The following TRAF3IP1 variants were observed in gnomAD, a reference collection of about 807,000 sequenced individuals.
TRAF3IP1 encodes TRAF3-interacting protein 1.
TRAF3IP1 carries 53 observed loss-of-function variants against 89.9 expected under a neutral mutation model. That is an observed-to-expected ratio of 0.59 (90% CI 0.47 to 0.74). The LOEUF (loss-of-function observed/expected upper bound fraction) is 0.74, where lower values mean the gene tolerates loss of function less well. TRAF3IP1 is among the 30% of genes least tolerant of loss of function. The pLI, the probability that TRAF3IP1 is intolerant of heterozygous loss-of-function variation, is 0.00. For synonymous variants in TRAF3IP1, 311 were observed against 322.1 expected, an observed-to-expected ratio of 0.97 and a Z score of 0.37; for missense variants, 806 against 866.1, an observed-to-expected ratio of 0.93 and a Z score of 0.87.
intron 14 of TRAF3IP1, among the ~76,000 whole-genome samples, chr2:238,353,987 T>C (rs949854857): frequency 1.3e-5 from 2 of 152,226 alleles, no homozygotes; most frequent in African/African-American, 4.8e-5. Context: ...TTGGCCAGGC[T>C]GGTCTCCAAT....
intron 15 of TRAF3IP1, among the ~76,000 whole-genome samples, chr2:238,368,114 T>C (rs902925344): frequency 3.3e-5 from 5 of 152,350 alleles, no homozygotes; most frequent in Non-Finnish European, 4.4e-5. Context: ...TTCCTTGCTG[T>C]CTGTTTCTGA....
chr2:238,359,784 C>T (rs1028172797), intron 15 of TRAF3IP1, among the ~76,000 whole-genome samples: 3 of 152,278 alleles, frequency 2.0e-5, no homozygotes, highest in Non-Finnish European at 2.9e-5. Flanking sequence ...TGACCCCTAG[C>T]GGATGCCTGA....
chr2:238,389,550 C>T (rs1423031846), intron 15 of TRAF3IP1, among the ~76,000 whole-genome samples: 1 of 151,988 alleles, frequency 6.6e-6, no homozygotes, highest in Non-Finnish European at 1.5e-5. Context: ...GAGTTCAAGA[C>T]CAGCCTGACC....
At chr2:238,336,348 C>T (rs985656430) in intron 7 of TRAF3IP1, among the ~76,000 whole-genome samples, 6 of 152,156 alleles carry the variant, frequency 3.9e-5, no homozygotes, top group African/African-American at 1.4e-4. Context: ...GCTAGCCGGG[C>T]ACTGACCTCC....
At chr2:238,336,350 C>T (rs1194944824) in intron 7 of TRAF3IP1, among the ~76,000 whole-genome samples, 1 of 152,200 alleles carries the variant, frequency 6.6e-6, no homozygotes, top group Non-Finnish European at 1.5e-5. Context: ...TAGCCGGGCA[C>T]TGACCTCCCT....
chr2:238,396,177 C>T (rs953845164), intron 15 of TRAF3IP1, among the ~76,000 whole-genome samples: 7 of 152,068 alleles, frequency 4.6e-5, no homozygotes, highest in African/African-American at 1.7e-4. Flanking sequence ...GGCATATATA[C>T]ACCATGGAAT....
At chr2:238,366,012 G>A (rs927452399) in intron 15 of TRAF3IP1, among the ~76,000 whole-genome samples, 2 of 152,144 alleles carry the variant, frequency 1.3e-5, no homozygotes, top group Admixed American at 1.3e-4. Flanking sequence ...TTGGGAGGCC[G>A]AGGCGGGCAG....
In TRAF3IP1 at chr2:238,328,953, A is replaced by G. The variant is rs1697977939; in HGVS notation, c.526A>G (p.Arg176Gly). ...EDRGDAEIKE[R>G]STSRDRKQKE... is the part of the protein sequence containing the mutation. The stretch of plus-strand genomic sequence containing the variant: ...TAGAGGAGACGCTGAAATAAAAGAG[A>G]GAAGTACAAGCAGAGATCGAAAACA... The change falls in exon 5 of 17, where the codon AGA becomes GGA. Residue 176 changes from arginine (R) to glycine (G), a missense_variant. Arg to Gly is a moderately radical substitution (Grantham distance 125). This residue lies in a region of TRAF3IP1 where 732 missense variants were observed against 780.5 expected (regional missense o/e 0.94). Transcript: ENST00000373327. 2.6e-6 allele frequency: 4 copies of G among 1,551,242 alleles called. No individual in the cohort carries two copies. The highest frequency in any genetic ancestry group is 1.4e-5 in the African/African-American group (1 of 71,950).
Position 238,399,498 on chromosome 2 carries a change from A to C in TRAF3IP1, c.*579A>C, listed in dbSNP as rs1033764430. On this transcript the variant is annotated 3_prime_UTR_variant, in exon 17 of 17. Transcript: ENST00000373327. ...TGTTTTTTGACCTCTTTGTAATTGC[A>C]TGTACTTCTCTATGTAATTTTCCTC... The C allele has an allele frequency of 2.0e-4, 31 of 152,114 alleles. No homozygotes were observed. Among genetic ancestry groups the C allele is most frequent in the African/African-American group, 7.5e-4 (31 of 41,378 alleles). 9.4% of individuals were successfully genotyped at this position (152,114 alleles called of 1,614,324 possible).
chr2:238,392,284 G>A (rs1041989506), intron 15 of TRAF3IP1, among the ~76,000 whole-genome samples: 1 of 152,268 alleles, frequency 6.6e-6, no homozygotes, highest in Middle Eastern at 3.4e-3. Context: ...ACATCTTACA[G>A]AACCATAGTA....
chr2:238,343,049 G>T (rs924178843), intron 8 of TRAF3IP1, among the ~76,000 whole-genome samples: 2 of 151,414 alleles, frequency 1.3e-5, no homozygotes. Flanking sequence ...GGGTCCTGCT[G>T]TAATATAGAA....
intron 15 of TRAF3IP1, among the ~76,000 whole-genome samples, chr2:238,382,752 C>CCCCT (rs1700599768): frequency 6.6e-6 from 1 of 150,650 alleles, no homozygotes; most frequent in Non-Finnish European, 1.5e-5. Flanking sequence ...GAGAGTCCCA[C>CCCCT]CCCTCCCTCC....
chr2:238,371,129 A>C (rs1336104326), intron 15 of TRAF3IP1, among the ~76,000 whole-genome samples: 1 of 152,224 alleles, frequency 6.6e-6, no homozygotes, highest in Non-Finnish European at 1.5e-5. Context: ...GCGACATTGA[A>C]AGTCTGTTTT....
intron 8 of TRAF3IP1, among the ~76,000 whole-genome samples, chr2:238,338,944 G>T (rs965807307): frequency 2.0e-5 from 3 of 152,188 alleles, no homozygotes; most frequent in Non-Finnish European, 4.4e-5. Flanking sequence ...TGCCTCAGAG[G>T]GGGTGGTCCT....
chr2:238,393,341 A>G (rs1701073937), intron 15 of TRAF3IP1, among the ~76,000 whole-genome samples: 1 of 152,198 alleles, frequency 6.6e-6, no homozygotes, highest in Non-Finnish European at 1.5e-5. Flanking sequence ...TATCTTCTTC[A>G]GTGAAATGTG....
chr2:238,368,408 T>C (rs1283609939), intron 15 of TRAF3IP1, among the ~76,000 whole-genome samples: 1 of 152,206 alleles, frequency 6.6e-6, no homozygotes, highest in African/African-American at 2.4e-5. Flanking sequence ...TATTAAGGTT[T>C]TTCTGATTGA....
chr2:238,378,472 TG>T (rs1260988494), intron 15 of TRAF3IP1, among the ~76,000 whole-genome samples: 1 of 152,248 alleles, frequency 6.6e-6, no homozygotes, highest in Non-Finnish European at 1.5e-5. Flanking sequence ...GACTTCCTAA[TG>T]TTGAACAGTT....
At chr2:238,390,162 T>C (rs938015442) in intron 15 of TRAF3IP1, among the ~76,000 whole-genome samples, 17 of 152,132 alleles carry the variant, frequency 1.1e-4, no homozygotes, top group Non-Finnish European at 1.9e-4. Flanking sequence ...TTGTGTCCCC[T>C]TGAAACACAC....
At chr2:238,343,026 G>A (rs987526512) in intron 8 of TRAF3IP1, among the ~76,000 whole-genome samples, 2 of 151,504 alleles carry the variant, frequency 1.3e-5, no homozygotes, top group Non-Finnish European at 2.9e-5. Flanking sequence ...ACTGAAGCTA[G>A]TTTTCCAGCT....
Sources: gnomAD v4.1 joint callset for allele counts (sites outside exome capture counted in the v4.1 genomes callset) on GRCh38, gnomAD v4.1.1 for gene constraint, gnomAD v4.1.1 regional missense constraint, MANE v1.5 for transcripts, NCBI Gene and HGNC (gene_info 2026-07-23, HGNC 2026-07-21) for gene names.